The following RUNX2 variants were observed in gnomAD, a reference collection of about 807,000 sequenced individuals.
The protein encoded by RUNX2 is runt-related transcription factor 2.
Under a neutral mutation model 51.7 loss-of-function variants are expected in RUNX2, and 10 were observed. The observed-to-expected ratio is 0.19, with a 90% CI of 0.12 to 0.33. The LOEUF (loss-of-function observed/expected upper bound fraction) is 0.33. Among genes scored for constraint, RUNX2 ranks in the 10% least tolerant of loss-of-function variants. RUNX2 has a pLI of 1.00. For missense variants in RUNX2, 562 were observed against 691.3 expected (o/e 0.81, Z 2.10); for synonymous variants, 276 against 273.6 (o/e 1.01, Z -0.09).
chr6:45,365,356 C>CAAAA, intron 2 of RUNX2: 2 of 955,090 alleles, frequency 2.1e-6, no homozygotes, highest in Non-Finnish European at 3.0e-6. Context: ...TAAGTAAATG[C>CAAAA]AAAAAAAAAA....
At chr6:45,532,221 T>G (rs1401499379) in intron 7 of RUNX2, among the ~76,000 whole-genome samples, 1 of 148,070 alleles carries the variant, frequency 6.8e-6, no homozygotes, top group Non-Finnish European at 1.5e-5. Flanking sequence ...TACCTCATTT[T>G]GAAAACTAGT....
At chr6:45,340,557 C>A (rs1789564752) in intron 2 of RUNX2, among the ~76,000 whole-genome samples, 1 of 152,010 alleles carries the variant, frequency 6.6e-6, no homozygotes, top group Non-Finnish European at 1.5e-5. Flanking sequence ...CTACTGGGCT[C>A]AAGCGATCCT....
rs915684766 is a variant in RUNX2 at position 45,461,113 on chromosome 6, C to T, written c.685+23062C>T. On this transcript the variant is annotated intron_variant, in intron 5 of 8. Coordinates refer to ENST00000647337, the MANE Select transcript of RUNX2 (RefSeq NM_001024630.4). ...AGAAGTAAGAACAGCTGGTTTGGAA[C>T]AGAGGATGAATGTTGGGGAGAAGAG... 1.4e-4 allele frequency among the ~76,000 whole-genome samples: 22 copies of T among 152,072 alleles called. 1 individual carries two copies. Among genetic ancestry groups the T allele is most frequent in the Admixed American group, 1.1e-3 (17 of 15,260 alleles).
chr6:45,532,076 G>A (rs1399177997), intron 7 of RUNX2, among the ~76,000 whole-genome samples: 3 of 151,566 alleles, frequency 2.0e-5, no homozygotes, highest in Admixed American at 2.0e-4. Flanking sequence ...GCCTGTGTTG[G>A]GAACTGTTGT....
At chr6:45,350,647 A>G (rs1300324726) in intron 2 of RUNX2, among the ~76,000 whole-genome samples, 1 of 152,180 alleles carries the variant, frequency 6.6e-6, no homozygotes, top group Non-Finnish European at 1.5e-5. Flanking sequence ...TCTAAAAATA[A>G]TTTCTGGCTG....
At chr6:45,362,848 T>C (rs1020554011) in intron 2 of RUNX2, among the ~76,000 whole-genome samples, 3 of 152,048 alleles carry the variant, frequency 2.0e-5, no homozygotes, top group African/African-American at 7.2e-5. Context: ...TCTCAGTTTT[T>C]TTAAAATGGC....
intron 7 of RUNX2, among the ~76,000 whole-genome samples, chr6:45,523,061 T>C (rs1801556951): frequency 6.6e-6 from 1 of 152,204 alleles, no homozygotes. Context: ...ATAATGAATA[T>C]ACATATAAAT....
At chr6:45,411,940 T>C (rs1338376258) in intron 2 of RUNX2, among the ~76,000 whole-genome samples, 1 of 152,208 alleles carries the variant, frequency 6.6e-6, no homozygotes, top group Non-Finnish European at 1.5e-5. Context: ...TGCTTTACTG[T>C]AGGATATCTT....
At chr6:45,348,615 C>A (rs1791404172) in intron 2 of RUNX2, among the ~76,000 whole-genome samples, 1 of 145,132 alleles carries the variant, frequency 6.9e-6, no homozygotes, top group Non-Finnish European at 1.5e-5. Flanking sequence ...GTGGAGGTTG[C>A]AGTGAGCCAA....
chr6:45,536,416 TAG>T (rs781500627), intron 7 of RUNX2, among the ~76,000 whole-genome samples: 1 of 152,184 alleles, frequency 6.6e-6, no homozygotes, highest in Non-Finnish European at 1.5e-5. Context: ...AGCTGAATTA[TAG>T]AGACTGAACA....
chr6:45,488,379 A>G (rs1431341429), intron 5 of RUNX2, among the ~76,000 whole-genome samples: 1 of 152,196 alleles, frequency 6.6e-6, no homozygotes, highest in Non-Finnish European at 1.5e-5. Context: ...ACTGCATTTA[A>G]GATGCCTTTG....
intron 3 of RUNX2, 84 bp from the exon 4 acceptor site, chr6:45,431,779 C>A: frequency 6.8e-7 from 1 of 1,463,408 alleles, no homozygotes; most frequent in Non-Finnish European, 9.6e-7. Context: ...CCTGATAAGA[C>A]ACATCATTTG....
rs1234937174 is a variant in RUNX2 at position 45,492,055 on chromosome 6, G to A, written c.800G>A (p.Arg267Gln). The change falls in exon 6 of 9, where the codon CGG (arginine) becomes CAG (glutamine). Residue 267 changes from arginine to glutamine, a missense_variant. Around this residue, in one of 5 missense-constraint regions of RUNX2, gnomAD observed 304 missense variants for 353.2 expected, o/e 0.86. Transcript: ENST00000647337. ...MRVGVPPQNP[R>Q]PSLNSAPSPF... ...GTAGGTGTCCCGCCTCAGAACCCACGGCCCTCCCTGAACTCTGCACCAAGT... is the reference window on the plus strand; with the variant it reads ...GTAGGTGTCCCGCCTCAGAACCCACAGCCCTCCCTGAACTCTGCACCAAGT... The A allele has an allele frequency of 1.2e-6, 2 of 1,613,756 alleles. No homozygotes were observed. The highest frequency in any genetic ancestry group is 1.7e-5 in the Admixed American group (1 of 59,974).
chr6:45,387,797 C>T (rs577640066), intron 2 of RUNX2, among the ~76,000 whole-genome samples: 2 of 152,116 alleles, frequency 1.3e-5, no homozygotes, highest in Non-Finnish European at 2.9e-5. Context: ...ACCAGGAGAG[C>T]AGAGTTTCAG....
At chr6:45,530,837 C>T (rs1801819390) in intron 7 of RUNX2, among the ~76,000 whole-genome samples, 2 of 152,106 alleles carry the variant, frequency 1.3e-5, no homozygotes, top group African/African-American at 4.8e-5. Context: ...CATGTTAGAA[C>T]CTCAGACAAA....
At chr6:45,406,495 A>G (rs1797836425) in intron 2 of RUNX2, among the ~76,000 whole-genome samples, 1 of 152,126 alleles carries the variant, frequency 6.6e-6, no homozygotes, top group Non-Finnish European at 1.5e-5. Context: ...GCTCACTGCA[A>G]CCTCTGCCTC....
intron 5 of RUNX2, among the ~76,000 whole-genome samples, chr6:45,458,095 C>G (rs937852544): frequency 2.0e-5 from 3 of 149,980 alleles, no homozygotes; most frequent in Admixed American, 2.0e-4. Context: ...GGCGCGATCT[C>G]AGCTCACTGC....
At chr6:45,373,792 A>G (rs1796417959) in intron 2 of RUNX2, among the ~76,000 whole-genome samples, 1 of 152,010 alleles carries the variant, frequency 6.6e-6, no homozygotes, top group South Asian at 2.1e-4. Context: ...ACATCAAGTG[A>G]TCCACCCATC....
intron 2 of RUNX2, among the ~76,000 whole-genome samples, chr6:45,385,484 C>T (rs1797329642): frequency 6.6e-6 from 1 of 152,130 alleles, no homozygotes; most frequent in South Asian, 2.1e-4. Flanking sequence ...TAGGTTTCAC[C>T]CAAAAGCATT....
Sources: allele counts gnomAD v4.1 joint callset (sites outside exome capture counted in the v4.1 genomes callset), GRCh38; gene constraint gnomAD v4.1.1; regional missense constraint gnomAD v4.1.1; transcripts MANE v1.5; gene names NCBI Gene and HGNC (gene_info 2026-07-23, HGNC 2026-07-21).